Variants in MCF2L observed in about 807,000 individuals in gnomAD.
MCF2L encodes MCF.2 cell line derived transforming sequence like.
In MCF2L, 97 loss-of-function variants were observed where a neutral mutation model predicts 153.4. The ratio of observed to expected loss-of-function variants is 0.63; its 90% CI spans 0.54 to 0.75. MCF2L has a LOEUF of 0.75. Among genes scored for constraint, MCF2L ranks in the 30% least tolerant of loss-of-function variants. The probability of loss-of-function intolerance (pLI) is 0.00; values close to 1 mark genes in which losing one functional copy is unlikely to be tolerated. For synonymous variants in MCF2L, 659 were observed against 632.2 expected (o/e 1.04, Z -0.64); for missense variants, 1,347 against 1,495.2 (o/e 0.90, Z 1.64).
rs80086676 is a variant in MCF2L, at chr13:112,907,332, C to A, written c.169+4961C>A. 9.9e-5 allele frequency among the ~76,000 whole-genome samples: 15 copies of A among 152,272 alleles called. No individual in the cohort carries two copies. Among genetic ancestry groups the A allele is most frequent in the Non-Finnish European group, 1.8e-4 (12 of 68,020 alleles). On this transcript the variant is annotated intron_variant, in intron 2 of 29. Coordinates refer to the MCF2L transcript ENST00000375608. The surrounding 1 kb of genome is among the most constrained non-coding windows in gnomAD (Gnocchi z 5.1). ...GGAAGGGGAAAATGACCACAAGAAA[C>A]AGATACTTGGAAGGAAATTGGCTTT...
chr13:113,096,564 C>T lies in MCF2L; in HGVS notation c.3203C>T (p.Pro1068Leu), dbSNP rs1325700240. The T allele has an allele frequency of 6.2e-7, 1 of 1,604,682 alleles. No individual in the cohort carries two copies. Among genetic ancestry groups the T allele is most frequent in the Non-Finnish European group, 8.5e-7 (1 of 1,178,082 alleles). Residue 1068 changes from proline (P) to leucine (L), a missense_variant, in exon 29 of 30, where the codon CCG (proline) becomes CTG (leucine). Physicochemically the swap from Pro to Leu is moderately conservative, Grantham distance 98. This residue lies in a region of MCF2L where 383 missense variants were observed against 335.4 expected (regional missense o/e 1.14). Coordinates refer to ENST00000535094, the MANE Select transcript of MCF2L (RefSeq NM_001112732.3). ...GCCCCTTGCAGGTACGTCAGGGACC[C>T]GACCACTGGCAAGGAGGGCTGGGTG... ...GDEGLWYVRD[P>L]TTGKEGWVPA...
chr13:113,066,314 A>G, intron 8 of MCF2L, 144 bp downstream of exon 8: 1 of 1,000,754 alleles, frequency 1.0e-6, no homozygotes, highest in Non-Finnish European at 1.4e-6. Context: ...GGGCCAGCAC[A>G]GCAGCCGGCC....
chr13:113,067,367 G>A (rs1341716208), intron 8 of MCF2L, among the ~76,000 whole-genome samples: 2 of 73,210 alleles, frequency 2.7e-5, no homozygotes, highest in Non-Finnish European at 5.6e-5. Context: ...AGTGAGCCGA[G>A]ATTGCACCTG....
intron 4 of MCF2L, among the ~76,000 whole-genome samples, chr13:113,055,441 CACA>C (rs1178624980): frequency 2.5e-5 from 3 of 121,294 alleles, no homozygotes; most frequent in Admixed American, 9.4e-5. Context: ...CACACACACA[CACA>C]CCTGGCTTCA....
Position 113,096,849 on chromosome 13 carries a change from TGCA to T in MCF2L, c.3370_3372del (p.Gln1124del). ...GGCGGCCAGGCCCCCTTCTCCGACC[TGCA>T]GGGGTAGCGCGGCCTCGGCGCCGGA... On this transcript the variant is annotated inframe_deletion, in exon 30 of 30. Coordinates refer to ENST00000535094, the MANE Select transcript of MCF2L (RefSeq NM_001112732.3). 1 of 1,478,794 alleles carries T rather than the reference TGCA, an allele frequency of 6.8e-7. No individual in the cohort carries two copies. The highest frequency in any genetic ancestry group is 8.9e-7 in the Non-Finnish European group (1 of 1,124,120). The allele number at this position is 1,478,794 out of a possible 1,614,324, so 91.6% of individuals were successfully genotyped here. A position where few individuals can be genotyped will look rare whatever the true frequency, so the allele number is the denominator to read the frequency against.
At chr13:112,955,317 C>G (rs1185724081) in intron 2 of MCF2L, among the ~76,000 whole-genome samples, 3 of 152,174 alleles carry the variant, frequency 2.0e-5, no homozygotes, top group African/African-American at 7.2e-5. Context: ...CAGAGGCTCC[C>G]AGCAGCCCCT....
chr13:112,921,126 G>A (rs1021136557), intron 2 of MCF2L, among the ~76,000 whole-genome samples: 1 of 152,072 alleles, frequency 6.6e-6, no homozygotes, highest in African/African-American at 2.4e-5. Flanking sequence ...GCAGTGAGCC[G>A]AGATTGCACC....
rs3011510 is a variant in MCF2L at position 113,031,711 on chromosome 13, G to A, written c.278+6953G>A. On this transcript the variant is annotated intron_variant, in intron 3 of 29. Coordinates refer to ENST00000535094, the MANE Select transcript of MCF2L (RefSeq NM_001112732.3). The surrounding 1 kb of genome is among the most constrained non-coding windows in gnomAD (Gnocchi z 5.5). ...GGAATTCACTGAAGCTGATGATGACGCTTACTTTCCATGGGCCTGGCTCAA... is the reference window on the plus strand; with the variant it reads ...GGAATTCACTGAAGCTGATGATGACACTTACTTTCCATGGGCCTGGCTCAA... Among the ~76,000 whole-genome samples, 37,826 of 151,810 alleles carry A rather than the reference G, an allele frequency of 0.25. 5,185 individuals are homozygous for A. The highest frequency in any genetic ancestry group is 0.49 in the East Asian group (2,500 of 5,132).
chr13:113,009,017 C>T (rs2083904315), intron 1 of MCF2L: 1 of 151,988 alleles, frequency 6.6e-6, no homozygotes, highest in South Asian at 2.1e-4. Flanking sequence ...GAGCGAAGCT[C>T]TGGAGACGAC....
chr13:112,944,667 T>C, intron 2 of MCF2L, among the ~76,000 whole-genome samples: 1 of 151,862 alleles, frequency 6.6e-6, no homozygotes, highest in Non-Finnish European at 1.5e-5. Context: ...TTTGTATTTT[T>C]AGTAGAGATG....
chr13:112,896,245 TTCTCTGGAATTCAGG>T (rs2081066537), intron 1 of MCF2L, among the ~76,000 whole-genome samples: 1 of 152,190 alleles, frequency 6.6e-6, no homozygotes, highest in East Asian at 1.9e-4. Flanking sequence ...ACATCTGTCC[TTCTCTGGAATTCAGG>T]TCTCTTCACC....
At chr13:113,036,982 C>A (rs1183107283) in intron 3 of MCF2L, among the ~76,000 whole-genome samples, 1 of 152,234 alleles carries the variant, frequency 6.6e-6, no homozygotes, top group Non-Finnish European at 1.5e-5. Flanking sequence ...CTCTTGCATC[C>A]ATCTGGCACT....
chr13:112,941,500 C>T lies in MCF2L; in HGVS notation c.169+39129C>T, dbSNP rs2140667328. Among the ~76,000 whole-genome samples, 1 of 151,930 alleles carries T rather than the reference C, an allele frequency of 6.6e-6. No homozygotes were observed. The highest frequency in any genetic ancestry group is 2.1e-4 in the South Asian group (1 of 4,814). ...TTGAGCACACTGTGTGTGGAGCATC[C>T]TGAGTCAACACAGGTGTAGGCGGGC... is the stretch of plus-strand genomic sequence containing the variant. On this transcript the variant is annotated intron_variant, in intron 2 of 29. Transcript: ENST00000375608. This position sits in a 1 kb window ranked among gnomAD's most constrained non-coding sequence, Gnocchi z 4.9.
chr13:113,095,033 A>AC (rs368339775), intron 27 of MCF2L: 3 of 1,371,460 alleles, frequency 2.2e-6, no homozygotes, highest in African/African-American at 3.0e-5. Context: ...GACAGTCCCC[A>AC]CCCCCCTACC....
At chr13:112,920,049 T>A (rs1407190815) in intron 2 of MCF2L, among the ~76,000 whole-genome samples, 1 of 152,208 alleles carries the variant, frequency 6.6e-6, no homozygotes, top group East Asian at 1.9e-4. Context: ...TATCTCAAGC[T>A]GTGCTGTCCC....
Position 112,993,007 on chromosome 13 carries a change from G to A in MCF2L, c.80-21756G>A, listed in dbSNP as rs4907572. Among the ~76,000 whole-genome samples the A allele has an allele frequency of 0.22, 33,959 of 152,260 alleles. 4,159 individuals are homozygous for A. Among genetic ancestry groups the A allele is most frequent in the Middle Eastern group, 0.28 (82 of 294 alleles). ...GGCTCAGTCTCTGCCAAACGTGCGC[G>A]GGCATCAGGCAGGAGTCCATGGGCC... On this transcript the variant is annotated intron_variant, in intron 1 of 29. Transcript: ENST00000535094. The surrounding 1 kb of genome is among the most constrained non-coding windows in gnomAD (Gnocchi z 4.6).
At chr13:113,037,072 G>T (rs1179870205) in intron 3 of MCF2L, among the ~76,000 whole-genome samples, 1 of 152,220 alleles carries the variant, frequency 6.6e-6, no homozygotes, top group Non-Finnish European at 1.5e-5. Flanking sequence ...CCATCTCAGT[G>T]CAGAGAGGGG....
chr13:112,911,701 C>T (rs1440122013), intron 2 of MCF2L, among the ~76,000 whole-genome samples: 3 of 152,240 alleles, frequency 2.0e-5, no homozygotes, highest in Non-Finnish European at 2.9e-5. Flanking sequence ...GGCGGGCCTG[C>T]GCCAGCCTTT....
At position 113,046,751 on chromosome 13, in the gene MCF2L, C is replaced by T. The variant is rs1336536764; in HGVS notation, c.369+1390C>T. On this transcript the variant is annotated intron_variant, in intron 4 of 29. Coordinates refer to ENST00000535094, the MANE Select transcript of MCF2L (RefSeq NM_001112732.3). This position sits in a 1 kb window ranked among gnomAD's most constrained non-coding sequence, Gnocchi z 4.4. ...TCTGCCCCTCGCCGCGGCGGATCCC[C>T]GTTCCTGACCCTGACTCAACCTGGC... is the stretch of plus-strand genomic sequence containing the variant. 1.9e-5 allele frequency: 9 copies of T among 465,408 alleles called. 1 individual carries two copies. Among genetic ancestry groups the T allele is most frequent in the Admixed American group, 4.9e-5 (2 of 41,100 alleles). The allele number at this position is 465,408 out of a possible 1,614,324, so 28.8% of individuals were successfully genotyped here. A position where few individuals can be genotyped will look rare whatever the true frequency, so the allele number is the denominator to read the frequency against.
Sources: gnomAD v4.1 joint callset for allele counts (sites outside exome capture counted in the v4.1 genomes callset) on GRCh38, gnomAD v4.1.1 for gene constraint, gnomAD v4.1.1 regional missense constraint, Gnocchi (gnomAD v3.1) non-coding constraint, MANE v1.5 for transcripts, NCBI Gene and HGNC (gene_info 2026-07-23, HGNC 2026-07-21) for gene names.